Variants in PKD2L2 observed in about 807,000 individuals in gnomAD.
The protein encoded by PKD2L2 is polycystin-2-like protein 2.
A neutral mutation model predicts 83.9 loss-of-function variants in PKD2L2; 67 were observed. The observed-to-expected ratio is 0.80, with a 90% CI of 0.66 to 0.98. The LOEUF (loss-of-function observed/expected upper bound fraction) is 0.98. Ranked by LOEUF, PKD2L2 falls within the 50% of genes least tolerant of loss-of-function variation. The pLI is 0.00. For synonymous variants in PKD2L2, 223 were observed against 237.8 expected, an observed-to-expected ratio of 0.94 and a Z score of 0.57; for missense variants, 632 against 717.2, an observed-to-expected ratio of 0.88 and a Z score of 1.36.
At chr5:137,913,184 C>CTT (rs35984179) in intron 8 of PKD2L2, among the ~76,000 whole-genome samples, 32 of 104,826 alleles carry the variant, frequency 3.1e-4, no homozygotes, top group African/African-American at 7.0e-4. Context: ...CTTCTTTTTT[C>CTT]TTTTTTTTTT....
intron 12 of PKD2L2, among the ~76,000 whole-genome samples, chr5:137,926,849 T>C (rs1759418559): frequency 6.6e-6 from 1 of 152,166 alleles, no homozygotes; most frequent in Non-Finnish European, 1.5e-5. Context: ...CTTTTCCCTA[T>C]ATGTGGGTTC....
intron 8 of PKD2L2, among the ~76,000 whole-genome samples, chr5:137,909,359 C>T (rs1031297577): frequency 1.3e-5 from 2 of 152,022 alleles, no homozygotes; most frequent in Non-Finnish European, 2.9e-5. Context: ...ATATCTGTCA[C>T]ATTCAAATTA....
At chr5:137,926,868 C>T (rs1241399437) in intron 12 of PKD2L2, among the ~76,000 whole-genome samples, 2 of 152,142 alleles carry the variant, frequency 1.3e-5, no homozygotes, top group African/African-American at 2.4e-5. Context: ...TCTGCAGGGC[C>T]GACTGTGAGA....
chr5:137,925,806 T>C, intron 11 of PKD2L2, 69 bp from the exon 12 acceptor site: 1 of 861,910 alleles, frequency 1.2e-6, no homozygotes. Context: ...CAGATCCGAT[T>C]GTACTTTATG....
intron 4 of PKD2L2, among the ~76,000 whole-genome samples, chr5:137,898,578 A>C (rs888946422): frequency 6.6e-6 from 1 of 152,146 alleles, no homozygotes; most frequent in Non-Finnish European, 1.5e-5. Flanking sequence ...GGATCTCACT[A>C]TGTGACCTAT....
At chr5:137,892,752 C>A in intron 3 of PKD2L2, 139 bp downstream of exon 3, 3 of 709,640 alleles carry the variant, frequency 4.2e-6, no homozygotes, top group South Asian at 2.0e-5. Flanking sequence ...TAGAAACAAC[C>A]AACCAGTAAG....
At chr5:137,942,142 A>T (rs888530043) in intron 14 of PKD2L2, 1 of 965,618 alleles carries the variant, frequency 1.0e-6, no homozygotes, top group East Asian at 2.6e-5. Flanking sequence ...GTGGCTGGGG[A>T]ACTGTTAGGT....
intron 12 of PKD2L2, among the ~76,000 whole-genome samples, chr5:137,928,808 G>A (rs1310811805): frequency 1.3e-5 from 2 of 152,164 alleles, no homozygotes; most frequent in African/African-American, 2.4e-5. Flanking sequence ...GGCCTTGAGC[G>A]ATCCTCCCGC....
chr5:137,923,595 C>G, intron 10 of PKD2L2, 74 bp downstream of exon 10: 1 of 779,818 alleles, frequency 1.3e-6, no homozygotes, highest in Non-Finnish European at 2.3e-6. Flanking sequence ...AGTTTGAATA[C>G]CACTTAATTC....
intron 8 of PKD2L2, among the ~76,000 whole-genome samples, chr5:137,915,126 A>C (rs1364773334): frequency 1.3e-5 from 2 of 152,110 alleles, no homozygotes; most frequent in Admixed American, 1.3e-4. Context: ...CAAGGTAATG[A>C]TAGCCACGTA....
intron 14 of PKD2L2, chr5:137,939,411 G>C (rs1313090495): frequency 6.6e-6 from 1 of 152,668 alleles, no homozygotes; most frequent in African/African-American, 2.4e-5. Flanking sequence ...ATCTGGAGGT[G>C]GGTTGGGGAA....
Position 137,921,709 on chromosome 5 carries a change from C to A in PKD2L2, c.1402C>A (p.Pro468Thr). 6.2e-7 allele frequency: 1 copy of A among 1,608,552 alleles called. No individual in the cohort carries two copies. The highest frequency in any genetic ancestry group is 8.5e-7 in the Non-Finnish European group (1 of 1,175,794). Residue 468 changes from proline to threonine, a missense_variant, in exon 9 of 15, where the codon CCC (proline) becomes ACC (threonine). Pro to Thr is a conservative substitution (Grantham distance 38). This residue lies in a region of PKD2L2 where 399 missense variants were observed against 416.9 expected (regional missense o/e 0.96). Transcript: ENST00000508883. ...TCAGCAAGCCAATCCTATCTTGGGA[C>A]CCATTTACTTCATCACTTTCATCTT... Reference protein sequence around the residue: ...GIQQANPILGPIYFITFIFFV... With the variant: ...GIQQANPILGTIYFITFIFFV...
At chr5:137,928,383 C>CAAAAAA (rs57825667) in intron 12 of PKD2L2, among the ~76,000 whole-genome samples, 2 of 111,490 alleles carry the variant, frequency 1.8e-5, no homozygotes, top group African/African-American at 6.8e-5. Context: ...ACAAAAAGTA[C>CAAAAAA]AAAAAAAAAA....
intron 4 of PKD2L2, among the ~76,000 whole-genome samples, chr5:137,897,753 T>G (rs1304666478): frequency 6.6e-6 from 1 of 152,152 alleles, no homozygotes; most frequent in Non-Finnish European, 1.5e-5. Context: ...GGAAGTTTCA[T>G]TAAAACATAG....
chr5:137,940,996 C>T (rs1561721935), intron 14 of PKD2L2, among the ~76,000 whole-genome samples: 3 of 152,320 alleles, frequency 2.0e-5, no homozygotes, highest in Middle Eastern at 3.4e-3. Context: ...AGCTCCGCCT[C>T]CCGGATTCAC....
intron 5 of PKD2L2, among the ~76,000 whole-genome samples, chr5:137,904,586 G>A (rs1186172625): frequency 6.6e-6 from 1 of 152,058 alleles, no homozygotes; most frequent in East Asian, 1.9e-4. Flanking sequence ...GACAGAAAAG[G>A]GGGAACAACA....
At chr5:137,935,252 G>A (rs1760229075) in intron 12 of PKD2L2, among the ~76,000 whole-genome samples, 1 of 152,172 alleles carries the variant, frequency 6.6e-6, no homozygotes. Flanking sequence ...TGAGAACAGT[G>A]CACAGGAAGG....
rs764085034 is a variant in PKD2L2, at chr5:137,906,250, G to T, written c.791G>T (p.Trp264Leu). Residue 264 changes from tryptophan (W) to leucine (L), a missense_variant, in exon 6 of 15, where the codon TGG becomes TTG. Around this residue, in one of 3 missense-constraint regions of PKD2L2, gnomAD observed 399 missense variants for 416.9 expected, o/e 0.96. Transcript: ENST00000508883. ...GCAACTGGAGGAATACTTACTTCAT[G>T]GCAGTTTTACTCTGTGAAGCTCCTC... ...FPATGGILTS[W>L]QFYSVKLLRY... The T allele has an allele frequency of 6.2e-7, 1 of 1,612,192 alleles. No individual in the cohort carries two copies. The highest frequency in any genetic ancestry group is 8.5e-7 in the Non-Finnish European group (1 of 1,178,938).
intron 5 of PKD2L2, among the ~76,000 whole-genome samples, chr5:137,905,026 C>T (rs979104402): frequency 2.0e-5 from 3 of 152,194 alleles, no homozygotes; most frequent in African/African-American, 4.8e-5. Context: ...CCCTTCCCAA[C>T]AGTCCTGATC....
Sources: gnomAD v4.1 joint callset for allele counts (sites outside exome capture counted in the v4.1 genomes callset) on GRCh38, gnomAD v4.1.1 for gene constraint, gnomAD v4.1.1 regional missense constraint, MANE v1.5 for transcripts, NCBI Gene and HGNC (gene_info 2026-07-23, HGNC 2026-07-21) for gene names.